Variants in ESRRG observed in about 807,000 individuals in gnomAD.
ESRRG encodes estrogen related receptor gamma.
A neutral mutation model predicts 44.0 loss-of-function variants in ESRRG; 13 were observed. That is an observed-to-expected ratio of 0.30 (90% CI 0.19 to 0.47). The LOEUF is 0.47. ESRRG is among the 20% of genes least tolerant of loss of function. ESRRG has a pLI of 1.00. For missense variants in ESRRG, 395 were observed against 580.6 expected (o/e 0.68, Z 3.29); for synonymous variants, 215 against 214.6 (o/e 1.00, Z -0.02).
At chr1:216,744,479 G>C (rs559164220) in intron 2 of ESRRG, among the ~76,000 whole-genome samples, 4 of 40,450 alleles carry the variant, frequency 9.9e-5, no homozygotes, top group Non-Finnish European at 2.0e-4. Flanking sequence ...TGTGCACACA[G>C]ACATGCACAC....
intron 2 of ESRRG, among the ~76,000 whole-genome samples, chr1:216,887,276 G>A (rs1369093179): frequency 6.6e-6 from 1 of 152,076 alleles, no homozygotes; most frequent in African/African-American, 2.4e-5. Context: ...CTACATATCA[G>A]TTAAGTAAAC....
At chr1:216,991,165 G>A (rs1560390769) in intron 1 of ESRRG, among the ~76,000 whole-genome samples, 1 of 152,022 alleles carries the variant, frequency 6.6e-6, no homozygotes, top group Non-Finnish European at 1.5e-5. Flanking sequence ...GATGATCTGA[G>A]GTAAAACAGT....
At chr1:217,132,560 G>A (rs927150755) in intron 1 of ESRRG, among the ~76,000 whole-genome samples, 5 of 152,144 alleles carry the variant, frequency 3.3e-5, no homozygotes, top group African/African-American at 1.2e-4. Flanking sequence ...CACAATTTAG[G>A]AACTGTCAAG....
intron 1 of ESRRG, among the ~76,000 whole-genome samples, chr1:217,060,136 T>C (rs1037187336): frequency 6.7e-6 from 1 of 150,362 alleles, no homozygotes; most frequent in Non-Finnish European, 1.5e-5. Flanking sequence ...TATATACTTA[T>C]GCAACATTAA....
chr1:216,925,792 A>G (rs1349435065), intron 2 of ESRRG, among the ~76,000 whole-genome samples: 3 of 151,934 alleles, frequency 2.0e-5, no homozygotes, highest in Non-Finnish European at 4.4e-5. Context: ...CTCTCCTAAA[A>G]ATACAAAAAT....
At chr1:217,105,730 G>T (rs1326164323) in intron 1 of ESRRG, among the ~76,000 whole-genome samples, 2 of 152,044 alleles carry the variant, frequency 1.3e-5, no homozygotes, top group East Asian at 3.9e-4. Context: ...CCCCCATTCT[G>T]CACCTGGACA....
chr1:216,506,534 G>T lies in ESRRG; in HGVS notation c.*405C>A. ...AGGGAGGATTTTTTTTTAAACTAAA[G>T]CTATTTCAAATTTAGAAAAAAGGGG... is the stretch of plus-strand genomic sequence containing the variant. On this transcript the variant is annotated 3_prime_UTR_variant, in exon 7 of 7. Coordinates refer to ENST00000408911, the MANE Select transcript of ESRRG (RefSeq NM_001438.4). 2.4e-6 allele frequency: 1 copy of T among 424,370 alleles called. No individual in the cohort carries two copies. Among genetic ancestry groups the T allele is most frequent in the Non-Finnish European group, 4.6e-6 (1 of 216,804 alleles). 26.3% of individuals were successfully genotyped at this position (424,370 alleles called of 1,614,324 possible).
At chr1:216,822,364 G>A (rs1015299822) in intron 2 of ESRRG, among the ~76,000 whole-genome samples, 1 of 152,120 alleles carries the variant, frequency 6.6e-6, no homozygotes, top group Non-Finnish European at 1.5e-5. Context: ...ACCAAACCCA[G>A]CTGAAAAACT....
At chr1:216,597,415 G>A (rs2058598245) in intron 3 of ESRRG, among the ~76,000 whole-genome samples, 1 of 152,202 alleles carries the variant, frequency 6.6e-6, no homozygotes, top group African/African-American at 2.4e-5. Context: ...TTGCGAAGGT[G>A]TCTGTGCATG....
chr1:216,608,975 G>A (rs1483652715), intron 3 of ESRRG, among the ~76,000 whole-genome samples: 1 of 152,186 alleles, frequency 6.6e-6, no homozygotes. Flanking sequence ...GTGGTCTCCA[G>A]TACCTATGAG....
intron 1 of ESRRG, among the ~76,000 whole-genome samples, chr1:216,684,115 GTGTC>G (rs1422166620): frequency 6.6e-6 from 1 of 152,226 alleles, no homozygotes; most frequent in Non-Finnish European, 1.5e-5. Context: ...TGTAGTGTAA[GTGTC>G]TGTGGACACA....
At chr1:216,878,507 A>G (rs987027252) in intron 2 of ESRRG, among the ~76,000 whole-genome samples, 1 of 152,110 alleles carries the variant, frequency 6.6e-6, no homozygotes, top group African/African-American at 2.4e-5. Context: ...ATTCTCCTGC[A>G]TTTTCTTCTA....
chr1:216,548,693 A>G (rs1173972086), intron 5 of ESRRG, among the ~76,000 whole-genome samples: 2 of 152,050 alleles, frequency 1.3e-5, no homozygotes, highest in Non-Finnish European at 2.9e-5. Context: ...CACCTATAGT[A>G]CGCTGGGCTA....
At chr1:216,804,375 C>T (rs773586067) in intron 2 of ESRRG, among the ~76,000 whole-genome samples, 18 of 152,116 alleles carry the variant, frequency 1.2e-4, no homozygotes, top group African/African-American at 3.4e-4. Context: ...GCAAGGATGC[C>T]GGCTAGAATC....
intron 1 of ESRRG, among the ~76,000 whole-genome samples, chr1:217,030,143 C>G (rs2081855815): frequency 6.6e-6 from 1 of 152,078 alleles, no homozygotes; most frequent in African/African-American, 2.4e-5. Context: ...CTCCCTTTCC[C>G]TTTCTCTTTC....
chr1:216,685,456 G>A (rs545130541), intron 1 of ESRRG, among the ~76,000 whole-genome samples: 135 of 152,250 alleles, frequency 8.9e-4, no homozygotes, highest in Non-Finnish European at 1.7e-3. Context: ...CTTGTGTTCA[G>A]ACAATTCTGT....
In ESRRG at chr1:216,748,828, A is replaced by T. The variant is rs551759565; in HGVS notation, c.-13-71337T>A. On this transcript the variant is annotated intron_variant, in intron 2 of 7. Coordinates refer to the ESRRG transcript ENST00000359162. ...AGTGCAGTGGTTGTCTCCATCTAGAAATAATCTCAAAACATGGTATGTGAG... is the reference window on the plus strand; with the variant it reads ...AGTGCAGTGGTTGTCTCCATCTAGATATAATCTCAAAACATGGTATGTGAG... Among the ~76,000 whole-genome samples, 4 of 152,246 alleles carry T rather than the reference A, an allele frequency of 2.6e-5. No homozygotes were observed. The South Asian group carries it at 8.3e-4, about 32-fold the overall frequency.
At chr1:217,023,755 C>A (rs2080739713) in intron 1 of ESRRG, among the ~76,000 whole-genome samples, 1 of 152,092 alleles carries the variant, frequency 6.6e-6, no homozygotes, top group African/African-American at 2.4e-5. Context: ...CCGACCCTTG[C>A]CCCAAAAACT....
intron 1 of ESRRG, among the ~76,000 whole-genome samples, chr1:217,064,779 G>T (rs765212249): frequency 1.3e-5 from 2 of 152,130 alleles, no homozygotes; most frequent in Non-Finnish European, 2.9e-5. Flanking sequence ...AAATATGGCT[G>T]TCCTCTGAAT....
Sources: allele counts gnomAD v4.1 joint callset (sites outside exome capture counted in the v4.1 genomes callset), GRCh38; gene constraint gnomAD v4.1.1; transcripts MANE v1.5; gene names NCBI Gene and HGNC (gene_info 2026-07-23, HGNC 2026-07-21).